PCSK5: variants seen among roughly 807,000 people sequenced by gnomAD.
The protein encoded by PCSK5 is proprotein convertase subtilisin/kexin type 5.
Under a neutral mutation model 233.2 loss-of-function variants are expected in PCSK5, and 129 were observed. The ratio of observed to expected loss-of-function variants is 0.55; its 90% CI spans 0.48 to 0.64. The LOEUF is 0.64. Ranked by LOEUF, PCSK5 falls within the 30% of genes least tolerant of loss-of-function variation. PCSK5 has a pLI of 0.00. For missense variants in PCSK5, 2,076 were observed against 2,430.1 expected, an observed-to-expected ratio of 0.85 and a Z score of 3.06; for synonymous variants, 825 against 879.2, an observed-to-expected ratio of 0.94 and a Z score of 1.09.
chr9:76,345,066 A>G (rs1395293879), intron 35 of PCSK5, among the ~76,000 whole-genome samples: 1 of 152,180 alleles, frequency 6.6e-6, no homozygotes, highest in Non-Finnish European at 1.5e-5. Flanking sequence ...GAGTATAAAT[A>G]ACTGTCACCC....
At chr9:76,246,151 G>C (rs532559209) in intron 24 of PCSK5, among the ~76,000 whole-genome samples, 12 of 151,842 alleles carry the variant, frequency 7.9e-5, no homozygotes, top group African/African-American at 1.9e-4. Context: ...GACCATCCTG[G>C]ACAACATGGT....
intron 20 of PCSK5, among the ~76,000 whole-genome samples, chr9:76,226,983 G>C (rs1290212291): frequency 6.6e-6 from 1 of 152,210 alleles, no homozygotes; most frequent in African/African-American, 2.4e-5. Context: ...CTTTCAGAGT[G>C]AGATGTAGCT....
intron 20 of PCSK5, among the ~76,000 whole-genome samples, chr9:76,191,947 CACG>C (rs1564095982): frequency 6.6e-6 from 1 of 151,250 alleles, no homozygotes; most frequent in Non-Finnish European, 1.5e-5. Flanking sequence ...GGCATGGTAG[CACG>C]TACCTGTAAT....
intron 5 of PCSK5, among the ~76,000 whole-genome samples, chr9:76,034,195 A>C (rs1435969411): frequency 2.0e-5 from 3 of 152,042 alleles, no homozygotes; most frequent in Non-Finnish European, 4.4e-5. Flanking sequence ...GTTAGTCAGC[A>C]AGTCCTGACA....
At chr9:76,181,180 C>G (rs1001668253) in intron 15 of PCSK5, among the ~76,000 whole-genome samples, 1 of 152,166 alleles carries the variant, frequency 6.6e-6, no homozygotes, top group Non-Finnish European at 1.5e-5. Flanking sequence ...TTTGACAAGT[C>G]CTTGGTAGAT....
At chr9:76,148,767 C>G (rs181585542) in intron 10 of PCSK5, among the ~76,000 whole-genome samples, 1 of 152,296 alleles carries the variant, frequency 6.6e-6, no homozygotes, top group African/African-American at 2.4e-5. Flanking sequence ...ATCTCACATG[C>G]CTGCACCATT....
rs776670407 is a variant in PCSK5, at chr9:76,338,238, C to T, written c.4757C>T (p.Ala1586Val). The T allele has an allele frequency of 6.2e-7, 1 of 1,610,918 alleles. No homozygotes were observed. Among genetic ancestry groups the T allele is most frequent in the South Asian group, 1.1e-5 (1 of 90,730 alleles). Reference sequence around the variant, plus strand: ...TTCTCCTTTGGTTTCAGATATTACGCAGACAACTCCACTGGCCGGTGTGAG... The same window carrying T: ...TTCTCCTTTGGTTTCAGATATTACGTAGACAACTCCACTGGCCGGTGTGAG... Reference protein sequence around the residue: ...CLLQCREGYYADNSTGRCERC... With the variant: ...CLLQCREGYYVDNSTGRCERC... Residue 1586 changes from alanine to valine, a missense_variant, in exon 35 of 38, where the codon GCA becomes GTA. This residue lies in a region of PCSK5 where 1,510 missense variants were observed against 1,538.1 expected (regional missense o/e 0.98). Coordinates refer to ENST00000674117, the MANE Select transcript of PCSK5 (RefSeq NM_001372043.1).
At chr9:76,181,226 C>T (rs1450921809) in intron 15 of PCSK5, among the ~76,000 whole-genome samples, 172 bp from the exon 16 acceptor site, 1 of 152,152 alleles carries the variant, frequency 6.6e-6, no homozygotes, top group African/African-American at 2.4e-5. Context: ...CTTCAGCACA[C>T]TGTGCAGGAG....
At chr9:76,144,273 C>T (rs1360120612) in intron 10 of PCSK5, among the ~76,000 whole-genome samples, 1 of 151,842 alleles carries the variant, frequency 6.6e-6, no homozygotes, top group African/African-American at 2.4e-5. Flanking sequence ...AGGAAATCAT[C>T]CGCTTCTTTT....
At chr9:76,169,460 G>T (rs1326139245) in intron 12 of PCSK5, among the ~76,000 whole-genome samples, 3 of 151,398 alleles carry the variant, frequency 2.0e-5, no homozygotes, top group African/African-American at 4.9e-5. Context: ...ATCCCCAGTG[G>T]GTTCTCCCTT....
At chr9:75,993,262 G>A (rs955433404) in intron 3 of PCSK5, among the ~76,000 whole-genome samples, 1 of 152,046 alleles carries the variant, frequency 6.6e-6, no homozygotes, top group African/African-American at 2.4e-5. Flanking sequence ...ATGCCAGTGA[G>A]GCAGTAAATA....
At chr9:76,335,376 G>A (rs994717461) in intron 34 of PCSK5, among the ~76,000 whole-genome samples, 25 of 152,314 alleles carry the variant, frequency 1.6e-4, no homozygotes, top group African/African-American at 6.0e-4. Context: ...TGAGGTATAT[G>A]AGAACTCTTC....
At chr9:76,180,478 A>G (rs1262102211) in intron 15 of PCSK5, among the ~76,000 whole-genome samples, 2 of 152,096 alleles carry the variant, frequency 1.3e-5, no homozygotes, top group African/African-American at 4.8e-5. Flanking sequence ...TGCCCTGGGC[A>G]CTAAGGTGGA....
At chr9:76,185,513 T>G (rs1824063317) in intron 17 of PCSK5, among the ~76,000 whole-genome samples, 1 of 152,180 alleles carries the variant, frequency 6.6e-6, no homozygotes, top group African/African-American at 2.4e-5. Flanking sequence ...TCCAGGCAGT[T>G]TCCAGGCAGG....
At chr9:76,180,582 A>T (rs923798513) in intron 15 of PCSK5, among the ~76,000 whole-genome samples, 6 of 151,864 alleles carry the variant, frequency 4.0e-5, no homozygotes. Context: ...ATCAGAGTTC[A>T]TCCTGACCTC....
intron 30 of PCSK5, 99 bp downstream of exon 30, chr9:76,310,950 C>CG: frequency 3.8e-6 from 3 of 785,240 alleles, no homozygotes; most frequent in Non-Finnish European, 5.9e-6. Flanking sequence ...CTTCTCTGCT[C>CG]TACGAGCACC....
At chr9:76,192,031 A>G (rs1824411192) in intron 20 of PCSK5, among the ~76,000 whole-genome samples, 1 of 139,602 alleles carries the variant, frequency 7.2e-6, no homozygotes, top group Admixed American at 7.8e-5. Flanking sequence ...GAGAGCAGAG[A>G]TCGTGTCCAG....
At chr9:76,258,716 A>T (rs896017065) in intron 24 of PCSK5, among the ~76,000 whole-genome samples, 11 of 152,220 alleles carry the variant, frequency 7.2e-5, no homozygotes, top group African/African-American at 2.7e-4. Context: ...AAGTAAATTC[A>T]TCTTATGTGC....
At chr9:76,109,439 T>TA (rs57063668) in intron 9 of PCSK5, among the ~76,000 whole-genome samples, 44,108 of 150,736 alleles carry the variant, frequency 0.29, 6,861 homozygotes, top group Non-Finnish European at 0.35. Flanking sequence ...ATTATTTTTT[T>TA]AAAAAAAAAA....
Sources: gnomAD v4.1 joint callset for allele counts (sites outside exome capture counted in the v4.1 genomes callset) on GRCh38, gnomAD v4.1.1 for gene constraint, gnomAD v4.1.1 regional missense constraint, MANE v1.5 for transcripts, NCBI Gene and HGNC (gene_info 2026-07-23, HGNC 2026-07-21) for gene names.